Variants in WDR48 observed in about 807,000 individuals in gnomAD.
WDR48 encodes the protein WD repeat-containing protein 48.
WDR48 carries 22 observed loss-of-function variants against 94.0 expected under a neutral mutation model. The ratio of observed to expected loss-of-function variants is 0.23; its 90% CI spans 0.17 to 0.33. WDR48 has a LOEUF of 0.33. Ranked by LOEUF, WDR48 falls within the 10% of genes least tolerant of loss-of-function variation. WDR48 has a pLI of 1.00. For synonymous variants in WDR48, 278 were observed against 280.5 expected (o/e 0.99, Z 0.09); for missense variants, 541 against 813.8 (o/e 0.66, Z 4.08).
chr3:39,065,948 GC>G (rs911214241), intron 3 of WDR48, 59 bp downstream of exon 3: 15 of 1,314,176 alleles, frequency 1.1e-5, no homozygotes, highest in Non-Finnish European at 1.5e-5. Context: ...TTTTATATAA[GC>G]TTTTTTATTG....
intron 11 of WDR48, among the ~76,000 whole-genome samples, 163 bp downstream of exon 11, chr3:39,079,971 T>C (rs1484986243): frequency 6.6e-6 from 1 of 152,170 alleles, no homozygotes; most frequent in Admixed American, 6.6e-5. Flanking sequence ...AGATCATAAT[T>C]CATCTTTTTA....
intron 7 of WDR48, among the ~76,000 whole-genome samples, chr3:39,069,993 A>G (rs1052558295): frequency 2.0e-5 from 3 of 152,256 alleles, no homozygotes; most frequent in Non-Finnish European, 2.9e-5. Context: ...TTTATGGTGC[A>G]TAGGGGCTAA....
At chr3:39,067,526 G>A (rs574698880) in intron 5 of WDR48, among the ~76,000 whole-genome samples, 1 of 152,298 alleles carries the variant, frequency 6.6e-6, no homozygotes, top group South Asian at 2.1e-4. Flanking sequence ...GTCTAGATTT[G>A]AAATTGAGCT....
intron 10 of WDR48, among the ~76,000 whole-genome samples, chr3:39,079,013 GA>G (rs2034386429): frequency 7.1e-6 from 1 of 141,016 alleles, no homozygotes; most frequent in African/African-American, 2.7e-5. Flanking sequence ...CTGGGCGACA[GA>G]GCGAGACTCC....
chr3:39,078,772 T>C lies in WDR48; in HGVS notation c.1075+533T>C, dbSNP rs547311232. Among the ~76,000 whole-genome samples the C allele has an allele frequency of 3.3e-3, 465 of 139,850 alleles. 1 individual carries two copies. Among genetic ancestry groups the C allele is most frequent in the Middle Eastern group, 7.4e-3 (2 of 272 alleles). The allele number at this position is 139,850 out of a possible 152,430, so 91.7% of individuals were successfully genotyped here. On this transcript the variant is annotated intron_variant, in intron 10 of 18. Coordinates refer to ENST00000302313, the MANE Select transcript of WDR48 (RefSeq NM_020839.4). ...AATGGGCCGGGCGCGGTGGCTCGCC[T>C]GTAATCCCAGCACTTTGGGAGGCCA...
chr3:39,075,170 T>TG (rs2034150281), intron 8 of WDR48, among the ~76,000 whole-genome samples: 1 of 148,536 alleles, frequency 6.7e-6, no homozygotes, highest in South Asian at 2.1e-4. Flanking sequence ...GGGTCAGTTC[T>TG]GGGGCACTTT....
intron 11 of WDR48, among the ~76,000 whole-genome samples, chr3:39,080,767 G>C (rs1165827329): frequency 6.6e-6 from 1 of 152,220 alleles, no homozygotes; most frequent in Non-Finnish European, 1.5e-5. Flanking sequence ...AAGGTTTCCA[G>C]TAGATGCATA....
At chr3:39,059,141 T>C (rs1006812651) in intron 1 of WDR48, among the ~76,000 whole-genome samples, 13 of 150,850 alleles carry the variant, frequency 8.6e-5, no homozygotes, top group Non-Finnish European at 1.3e-4. Flanking sequence ...GTAAGATAGA[T>C]AGGGTCATAA....
chr3:39,074,528 A>G (rs1219093150), intron 7 of WDR48, among the ~76,000 whole-genome samples, 198 bp from the exon 8 acceptor site: 1 of 152,242 alleles, frequency 6.6e-6, no homozygotes, highest in African/African-American at 2.4e-5. Flanking sequence ...TTTGGGAAGA[A>G]TAAGGAATTT....
intron 1 of WDR48, 149 bp downstream of exon 1, chr3:39,052,222 G>A (rs2125624194): frequency 1.1e-6 from 1 of 888,142 alleles, no homozygotes; most frequent in Non-Finnish European, 1.7e-6. Flanking sequence ...GTGGGGCCGC[G>A]GCGCTAACGG....
chr3:39,089,507 G>A, intron 16 of WDR48, 189 bp downstream of exon 16: 2 of 378,870 alleles, frequency 5.3e-6, no homozygotes, highest in African/African-American at 2.1e-5. Context: ...TAGCTTTGTT[G>A]GTTTTTAATT....
chr3:39,055,833 C>G (rs1006080243), intron 1 of WDR48, among the ~76,000 whole-genome samples: 7 of 152,220 alleles, frequency 4.6e-5, no homozygotes, highest in African/African-American at 1.7e-4. Flanking sequence ...CAGTGCTTCA[C>G]AGTGCTTGGG....
At chr3:39,066,399 A>C in intron 3 of WDR48, 149 bp from the exon 4 acceptor site, 1 of 660,826 alleles carries the variant, frequency 1.5e-6, no homozygotes, top group Non-Finnish European at 2.5e-6. Flanking sequence ...GGCAATATAC[A>C]ATAGGTTCTA....
chr3:39,066,987 A>C, intron 5 of WDR48, 112 bp downstream of exon 5: 1 of 1,313,048 alleles, frequency 7.6e-7, no homozygotes, highest in Non-Finnish European at 1.0e-6. Context: ...TCATATTTTG[A>C]GAGTGCTTCT....
At chr3:39,085,396 A>C in intron 13 of WDR48, 119 bp from the exon 14 acceptor site, 1 of 816,840 alleles carries the variant, frequency 1.2e-6, no homozygotes, top group East Asian at 2.5e-5. Flanking sequence ...CATCATTCGC[A>C]TTGGGTTAAG....
intron 2 of WDR48, 89 bp from the exon 3 acceptor site, chr3:39,065,722 A>G: frequency 1.0e-6 from 1 of 967,498 alleles, no homozygotes; most frequent in Non-Finnish European, 1.5e-6. Context: ...GCAGTATGTC[A>G]CATTAATTGA....
chr3:39,056,693 A>G (rs2032911339), intron 1 of WDR48, among the ~76,000 whole-genome samples: 1 of 152,226 alleles, frequency 6.6e-6, no homozygotes, highest in African/African-American at 2.4e-5. Flanking sequence ...TTGCTAAATC[A>G]AGTGTAAATG....
chr3:39,092,355 G>A (rs1018070525), intron 17 of WDR48, among the ~76,000 whole-genome samples: 1 of 152,228 alleles, frequency 6.6e-6, no homozygotes, highest in East Asian at 1.9e-4. Context: ...AATTTGAGTT[G>A]GACATGTAAT....
chr3:39,089,108 C>G, intron 15 of WDR48, 123 bp from the exon 16 acceptor site: 1 of 780,446 alleles, frequency 1.3e-6, no homozygotes, highest in Non-Finnish European at 2.0e-6. Context: ...TTTATTTCCT[C>G]AGCTGTCAAG....
Sources: allele counts gnomAD v4.1 joint callset (sites outside exome capture counted in the v4.1 genomes callset), GRCh38; gene constraint gnomAD v4.1.1; transcripts MANE v1.5; gene names NCBI Gene and HGNC (gene_info 2026-07-23, HGNC 2026-07-21).